EHBP1: variants seen among roughly 807,000 people sequenced by gnomAD.
The protein encoded by EHBP1 is EH domain binding protein 1.
Under a neutral mutation model 144.0 loss-of-function variants are expected in EHBP1, and 55 were observed. The ratio of observed to expected loss-of-function variants is 0.38; its 90% CI spans 0.31 to 0.48. The LOEUF is 0.48. Among genes scored for constraint, EHBP1 ranks in the 20% least tolerant of loss-of-function variants. The probability of loss-of-function intolerance (pLI) is 0.98; values close to 1 mark genes in which losing one functional copy is unlikely to be tolerated. For missense variants in EHBP1, 1,200 were observed against 1,364.2 expected (o/e 0.88, Z 1.90); for synonymous variants, 469 against 472.7 (o/e 0.99, Z 0.10).
chr2:62,955,645 C>G lies in EHBP1; in HGVS notation c.2445C>G (p.Asn815Lys). ...CCAACACAGCCACCCCATTCTGCAA[C>G]AGGCAGCTAAGTGATGTGAGGAGCA... ...HNTNTATPFCNRQLSDQQDEE... is the reference protein window; with the variant it reads ...HNTNTATPFCKRQLSDQQDEE... The change falls in exon 14 of 23, where the codon AAC becomes AAG. Residue 815 changes from asparagine (N) to lysine (K), a missense_variant. Physicochemically the swap from Asn to Lys is moderately conservative, Grantham distance 94. This residue lies in a region of EHBP1 where 543 missense variants were observed against 513.1 expected (regional missense o/e 1.06). Transcript: ENST00000431489. 6.2e-7 allele frequency: 1 copy of G among 1,610,764 alleles called. No individual in the cohort carries two copies. The highest frequency in any genetic ancestry group is 1.1e-5 in the South Asian group (1 of 90,276).
At chr2:62,967,560 A>G (rs1574283848) in intron 14 of EHBP1, among the ~76,000 whole-genome samples, 1 of 152,196 alleles carries the variant, frequency 6.6e-6, no homozygotes, top group South Asian at 2.1e-4. Context: ...GGACATGGAA[A>G]AGGATGTGGT....
intron 7 of EHBP1, among the ~76,000 whole-genome samples, chr2:62,852,771 A>C (rs968011122): frequency 6.6e-6 from 1 of 152,180 alleles, no homozygotes; most frequent in Non-Finnish European, 1.5e-5. Flanking sequence ...TTTCCTAAAA[A>C]TTACAAAATT....
chr2:62,891,786 C>T (rs1163935250), intron 10 of EHBP1, among the ~76,000 whole-genome samples: 1 of 152,016 alleles, frequency 6.6e-6, no homozygotes, highest in African/African-American at 2.4e-5. Context: ...AAGTTTATGG[C>T]TTAGGAAACT....
intron 9 of EHBP1, among the ~76,000 whole-genome samples, chr2:62,868,685 T>C (rs1407777205): frequency 6.6e-6 from 1 of 152,162 alleles, no homozygotes; most frequent in Non-Finnish European, 1.5e-5. Context: ...CAGTGGTTCA[T>C]GCCTGTAATC....
intron 7 of EHBP1, among the ~76,000 whole-genome samples, chr2:62,834,115 G>T (rs1263324154): frequency 6.6e-6 from 1 of 152,222 alleles, no homozygotes; most frequent in Non-Finnish European, 1.5e-5. Flanking sequence ...TTGCTTCTCT[G>T]GATGAACAAA....
chr2:63,005,153 G>A (rs1266259553), intron 19 of EHBP1, among the ~76,000 whole-genome samples: 1 of 152,042 alleles, frequency 6.6e-6, no homozygotes, highest in Admixed American at 6.6e-5. Flanking sequence ...TGGTAATCCA[G>A]AGTCATCATG....
At chr2:62,918,991 G>A (rs1167552759) in intron 10 of EHBP1, among the ~76,000 whole-genome samples, 3 of 152,108 alleles carry the variant, frequency 2.0e-5, no homozygotes, top group Admixed American at 6.6e-5. Flanking sequence ...AATTTTGGTC[G>A]GTTTCAGCTC....
chr2:62,811,554 AT>A (rs766090292), intron 5 of EHBP1, among the ~76,000 whole-genome samples: 23 of 152,350 alleles, frequency 1.5e-4, no homozygotes, highest in South Asian at 1.0e-3. Flanking sequence ...TTATAGAATA[AT>A]GCAGAAATCA....
At chr2:62,958,661 G>T (rs2057842119) in intron 14 of EHBP1, among the ~76,000 whole-genome samples, 2 of 152,036 alleles carry the variant, frequency 1.3e-5, no homozygotes, top group Admixed American at 6.5e-5. Context: ...TTTAAAATGG[G>T]TGCATATTAC....
At chr2:62,843,870 C>A (rs1427770455) in intron 7 of EHBP1, among the ~76,000 whole-genome samples, 3 of 152,196 alleles carry the variant, frequency 2.0e-5, no homozygotes, top group Admixed American at 6.5e-5. Context: ...TATTTACCAG[C>A]AAAAGTGGCA....
At chr2:62,774,350 G>A (rs2041904771) in intron 5 of EHBP1, among the ~76,000 whole-genome samples, 1 of 148,272 alleles carries the variant, frequency 6.7e-6, no homozygotes, top group South Asian at 2.1e-4. Flanking sequence ...CAGCCTGAGC[G>A]ACAGAGCAAG....
At chr2:62,696,315 C>T (rs953236362) in intron 1 of EHBP1, among the ~76,000 whole-genome samples, 19 of 151,752 alleles carry the variant, frequency 1.3e-4, no homozygotes, top group African/African-American at 4.1e-4. Context: ...GGATTGCAGG[C>T]GCTCACCACC....
intron 2 of EHBP1, among the ~76,000 whole-genome samples, chr2:62,719,798 A>T (rs1170310843): frequency 6.6e-6 from 1 of 152,216 alleles, no homozygotes; most frequent in Non-Finnish European, 1.5e-5. Context: ...CATAGGTTAT[A>T]TGCAAATACT....
chr2:62,954,414 A>G (rs776084257), intron 13 of EHBP1, among the ~76,000 whole-genome samples: 36 of 152,220 alleles, frequency 2.4e-4, no homozygotes, highest in Non-Finnish European at 4.4e-4. Flanking sequence ...ATTTGTATCT[A>G]TTAAGTTAAG....
intron 1 of EHBP1, among the ~76,000 whole-genome samples, chr2:62,682,949 A>G (rs1056715656): frequency 6.6e-6 from 1 of 152,116 alleles, no homozygotes; most frequent in Non-Finnish European, 1.5e-5. Flanking sequence ...TAACTATTAT[A>G]CGTTAAGCAA....
chr2:62,872,268 TATAAC>T (rs144804933), intron 9 of EHBP1, among the ~76,000 whole-genome samples: 2,035 of 152,040 alleles, frequency 0.013, 25 homozygotes, highest in Middle Eastern at 0.024. Flanking sequence ...TTTCTCCTAA[TATAAC>T]CGATGAATTT....
At chr2:62,746,912 T>C (rs1276721568) in intron 2 of EHBP1, among the ~76,000 whole-genome samples, 1 of 152,046 alleles carries the variant, frequency 6.6e-6, no homozygotes, top group Non-Finnish European at 1.5e-5. Context: ...TTGTTTTTAA[T>C]GAAGATTGAG....
At chr2:62,760,462 A>G (rs1025792820) in intron 3 of EHBP1, among the ~76,000 whole-genome samples, 2 of 152,208 alleles carry the variant, frequency 1.3e-5, no homozygotes, top group Non-Finnish European at 2.9e-5. Flanking sequence ...TTTATTAATC[A>G]TAATAAAAAG....
At chr2:62,777,575 A>C (rs985458183) in intron 5 of EHBP1, among the ~76,000 whole-genome samples, 5 of 152,020 alleles carry the variant, frequency 3.3e-5, no homozygotes, top group Non-Finnish European at 7.4e-5. Context: ...TATAACTGGT[A>C]GTTTTTTGTT....
Sources: gnomAD v4.1 joint callset for allele counts (sites outside exome capture counted in the v4.1 genomes callset) on GRCh38, gnomAD v4.1.1 for gene constraint, gnomAD v4.1.1 regional missense constraint, MANE v1.5 for transcripts, NCBI Gene and HGNC (gene_info 2026-07-23, HGNC 2026-07-21) for gene names.